The following HIVEP3 variants were observed in gnomAD, a reference collection of about 807,000 sequenced individuals.
HIVEP3 encodes the protein HIVEP zinc finger 3.
HIVEP3 carries 49 observed loss-of-function variants against 152.8 expected under a neutral mutation model. The ratio of observed to expected loss-of-function variants is 0.32; its 90% CI spans 0.26 to 0.41. The LOEUF (loss-of-function observed/expected upper bound fraction) is 0.41, where lower values mean the gene tolerates loss of function less well. Ranked by LOEUF, HIVEP3 falls within the 10% of genes least tolerant of loss-of-function variation. The probability of loss-of-function intolerance (pLI) is 1.00; values close to 1 mark genes in which losing one functional copy is unlikely to be tolerated. For synonymous variants in HIVEP3, 1,269 were observed against 1,289.0 expected, an observed-to-expected ratio of 0.98 and a Z score of 0.33; for missense variants, 2,790 against 3,103.3, an observed-to-expected ratio of 0.90 and a Z score of 2.40.
chr1:41,601,885 A>T (rs1001263865), intron 3 of HIVEP3, among the ~76,000 whole-genome samples: 1 of 152,182 alleles, frequency 6.6e-6, no homozygotes, highest in African/African-American at 2.4e-5. Flanking sequence ...AGCTTGTTAT[A>T]TATGGCTTTT....
At chr1:41,936,341 G>A (rs942060448) in intron 1 of HIVEP3, among the ~76,000 whole-genome samples, 1 of 152,068 alleles carries the variant, frequency 6.6e-6, no homozygotes, top group Non-Finnish European at 1.5e-5. Context: ...CTGATCCAGG[G>A]GCTTCTGTCA....
chr1:41,684,428 C>T (rs574581946), intron 2 of HIVEP3, among the ~76,000 whole-genome samples: 43 of 152,232 alleles, frequency 2.8e-4, no homozygotes, highest in Non-Finnish European at 4.6e-4. Flanking sequence ...GGGTCTCCAG[C>T]GACTCCCTGC....
At chr1:41,637,914 C>G (rs372592057) in intron 2 of HIVEP3, among the ~76,000 whole-genome samples, 27 of 152,054 alleles carry the variant, frequency 1.8e-4, no homozygotes, top group African/African-American at 6.3e-4. Flanking sequence ...AAGATGAAAA[C>G]AGTTAAGAGG....
At chr1:41,882,270 T>C (rs976014466) in intron 1 of HIVEP3, among the ~76,000 whole-genome samples, 2 of 152,218 alleles carry the variant, frequency 1.3e-5, no homozygotes, top group African/African-American at 4.8e-5. Context: ...AGCTGCGAGC[T>C]GCACGCGGGA....
At chr1:41,667,073 C>T (rs917129555) in intron 2 of HIVEP3, among the ~76,000 whole-genome samples, 10 of 152,314 alleles carry the variant, frequency 6.6e-5, no homozygotes, top group African/African-American at 2.2e-4. Context: ...GGAGTGTTGG[C>T]GTTTCCTTTG....
At position 41,775,593 on chromosome 1, in the gene HIVEP3, C is replaced by T. The variant is rs551448298; in HGVS notation, c.-800-74598G>A. Among the ~76,000 whole-genome samples, 7 of 152,186 alleles carry T rather than the reference C, an allele frequency of 4.6e-5. No individual in the cohort carries two copies. The East Asian group carries it at 1.2e-3, about 25-fold the overall frequency. The stretch of plus-strand genomic sequence containing the variant: ...GCAACCTCCACCTCCTGGGTTCAAA[C>T]GATTCTCCTGCCTCAGCCTCCCAAG... On this transcript the variant is annotated intron_variant, in intron 1 of 8. Coordinates refer to ENST00000372583, the MANE Select transcript of HIVEP3 (RefSeq NM_024503.5).
At chr1:42,014,359 T>A (rs1383503732) in intron 1 of HIVEP3, among the ~76,000 whole-genome samples, 1 of 151,766 alleles carries the variant, frequency 6.6e-6, no homozygotes, top group Non-Finnish European at 1.5e-5. Context: ...GTCACGCGGC[T>A]CCAGCACACA....
intron 1 of HIVEP3, among the ~76,000 whole-genome samples, chr1:41,979,847 A>G (rs528372672): frequency 6.6e-6 from 1 of 152,346 alleles, no homozygotes; most frequent in Non-Finnish European, 1.5e-5. Context: ...AGTATCTACT[A>G]TAAAGAAAGA....
intron 2 of HIVEP3, among the ~76,000 whole-genome samples, chr1:41,673,568 T>G (rs1255371159): frequency 2.0e-5 from 3 of 152,294 alleles, no homozygotes; most frequent in Middle Eastern, 6.8e-3. Context: ...TTCTCCTCAC[T>G]GTATCTCACT....
At chr1:41,551,748 G>A (rs1015925268) in intron 5 of HIVEP3, among the ~76,000 whole-genome samples, 9 of 152,012 alleles carry the variant, frequency 5.9e-5, no homozygotes, top group East Asian at 3.9e-4. Context: ...TTTTTATTGC[G>A]TCTATTTGAT....
At chr1:41,977,332 G>A (rs1189500421) in intron 1 of HIVEP3, among the ~76,000 whole-genome samples, 2 of 152,166 alleles carry the variant, frequency 1.3e-5, no homozygotes, top group African/African-American at 4.8e-5. Flanking sequence ...CTTCCCTTGT[G>A]TGAGCTGCCA....
Position 41,984,827 on chromosome 1 carries a change from G to T in HIVEP3, n.119+50980C>A, listed in dbSNP as rs1645312679. Reference sequence around the variant, plus strand: ...ACCACTTTCACATGCCAGGCACCCAGCTGGGCCCACAGAACAAAACAAATG... The same window carrying T: ...ACCACTTTCACATGCCAGGCACCCATCTGGGCCCACAGAACAAAACAAATG... On this transcript the variant is annotated intron_variant and non_coding_transcript_variant, in intron 1 of 3. Transcript: ENST00000489103. 2.6e-5 allele frequency among the ~76,000 whole-genome samples: 4 copies of T among 152,316 alleles called. No individual in the cohort carries two copies. The South Asian group carries it at 8.3e-4, about 32-fold the overall frequency.
chr1:41,966,282 A>G (rs1645197099), intron 1 of HIVEP3, among the ~76,000 whole-genome samples: 1 of 152,192 alleles, frequency 6.6e-6, no homozygotes, highest in African/African-American at 2.4e-5. Flanking sequence ...AACACACTGA[A>G]GTACACAGAC....
At chr1:41,922,908 T>C (rs1644948890), upstream of HIVEP3, among the ~76,000 whole-genome samples, 1 of 152,154 alleles carries the variant, frequency 6.6e-6, no homozygotes. Flanking sequence ...ATTCCATCTG[T>C]TTCCTCTTCT....
At chr1:41,786,565 A>G in intron 1 of HIVEP3, among the ~76,000 whole-genome samples, 1 of 152,142 alleles carries the variant, frequency 6.6e-6, no homozygotes, top group East Asian at 1.9e-4. Flanking sequence ...ACACCCATTC[A>G]TTTATGTACT....
rs151176415 is a variant in HIVEP3, at chr1:41,588,511, C to T, written c.-521-3193G>A. ...CCAGCAGCTGGGGTTTGGTGCAATT[C>T]CCAGGGCCAGGTGGGAGGGGCAGGG... On this transcript the variant is annotated intron_variant, in intron 3 of 8. Transcript: ENST00000372583. 3.2e-3 allele frequency among the ~76,000 whole-genome samples: 492 copies of T among 152,234 alleles called. 1 individual carries two copies. Among genetic ancestry groups the T allele is most frequent in the Non-Finnish European group, 5.1e-3 (345 of 67,996 alleles).
intron 1 of HIVEP3, among the ~76,000 whole-genome samples, chr1:41,929,724 T>TA: frequency 3.3e-5 from 1 of 30,592 alleles, no homozygotes; most frequent in East Asian, 0.012. Context: ...GTATATGTGT[T>TA]TTTATATATA....
At chr1:41,793,693 T>G (rs912062517) in intron 1 of HIVEP3, among the ~76,000 whole-genome samples, 7 of 152,252 alleles carry the variant, frequency 4.6e-5, no homozygotes, top group Admixed American at 2.0e-4. Flanking sequence ...TAGAAAGATT[T>G]CTGTCCTGCA....
chr1:41,544,831 T>TCACCACCACCAC (rs1483052808), intron 5 of HIVEP3, among the ~76,000 whole-genome samples: 1 of 10,152 alleles, frequency 9.9e-5, no homozygotes, highest in African/African-American at 4.2e-4. Flanking sequence ...ACCACCACCA[T>TCACCACCACCAC]CACCACCACC....
Sources: gnomAD v4.1 joint callset for allele counts (sites outside exome capture counted in the v4.1 genomes callset) on GRCh38, gnomAD v4.1.1 for gene constraint, MANE v1.5 for transcripts, NCBI Gene and HGNC (gene_info 2026-07-23, HGNC 2026-07-21) for gene names.